ADGRD1: variants seen among roughly 807,000 people sequenced by gnomAD.
ADGRD1 encodes adhesion G protein-coupled receptor D1.
Under a neutral mutation model 113.4 loss-of-function variants are expected in ADGRD1, and 77 were observed. The observed-to-expected ratio is 0.68, with a 90% CI of 0.57 to 0.82. ADGRD1 has a LOEUF of 0.82. Ranked by LOEUF, ADGRD1 falls within the 40% of genes least tolerant of loss-of-function variation. The probability of loss-of-function intolerance (pLI) is 0.00; values close to 1 mark genes in which losing one functional copy is unlikely to be tolerated. For synonymous variants in ADGRD1, 474 were observed against 475.0 expected, an observed-to-expected ratio of 1.00 and a Z score of 0.03; for missense variants, 1,036 against 1,139.1, an observed-to-expected ratio of 0.91 and a Z score of 1.30.
chr12:131,002,794 G>A, intron 9 of ADGRD1: 8 of 1,240,266 alleles, frequency 6.5e-6, no homozygotes, highest in Non-Finnish European at 8.3e-6. Context: ...CCATCCCAGA[G>A]TGGACCTGGG....
At chr12:131,045,067 C>T (rs568287553) in intron 13 of ADGRD1, among the ~76,000 whole-genome samples, 1 of 152,234 alleles carries the variant, frequency 6.6e-6, no homozygotes, top group Admixed American at 6.5e-5. Context: ...GGTGTTGCAG[C>T]GCCAGGAGCG....
At chr12:131,014,708 G>A (rs1299999614) in intron 13 of ADGRD1, among the ~76,000 whole-genome samples, 1 of 152,200 alleles carries the variant, frequency 6.6e-6, no homozygotes, top group Non-Finnish European at 1.5e-5. Context: ...GCAAGATGCA[G>A]CACTGTGTTC....
At chr12:131,118,276 C>A in intron 18 of ADGRD1, 109 bp from the exon 19 acceptor site, 1 of 743,916 alleles carries the variant, frequency 1.3e-6, no homozygotes, top group Non-Finnish European at 2.3e-6. Flanking sequence ...CCTCTGTATA[C>A]ATGTATGAGG....
At chr12:131,028,666 T>G (rs576497239) in intron 13 of ADGRD1, among the ~76,000 whole-genome samples, 106 of 152,306 alleles carry the variant, frequency 7.0e-4, no homozygotes, top group African/African-American at 2.4e-3. Context: ...GGATATGTAA[T>G]TTACCCAGCT....
rs1887284522 is a variant in ADGRD1 at position 131,096,432 on chromosome 12, T to G, written c.1672-8399T>G. On this transcript the variant is annotated intron_variant, in intron 15 of 24. Transcript: ENST00000261654. This position sits in a 1 kb window ranked among gnomAD's most constrained non-coding sequence, Gnocchi z 5.2. ...TGGCAAGATAGCACACTTTAAAAAA[T>G]GTATGCACGTATCTTGGAGGTTGCT... 6.6e-6 allele frequency among the ~76,000 whole-genome samples: 1 copy of G among 152,172 alleles called. No homozygotes were observed. The highest frequency in any genetic ancestry group is 2.1e-4 in the South Asian group (1 of 4,828).
At chr12:131,112,300 C>T (rs1950364123) in intron 18 of ADGRD1, among the ~76,000 whole-genome samples, 1 of 152,148 alleles carries the variant, frequency 6.6e-6, no homozygotes, top group Admixed American at 6.5e-5. Flanking sequence ...GTTTGTATGA[C>T]ACCATCTGTT....
At chr12:131,029,011 C>G (rs1000965494) in intron 13 of ADGRD1, among the ~76,000 whole-genome samples, 3 of 152,234 alleles carry the variant, frequency 2.0e-5, no homozygotes, top group Admixed American at 6.5e-5. Flanking sequence ...ATTGCAGACT[C>G]TGATGCACAG....
chr12:131,016,389 A>T (rs1878574865), intron 13 of ADGRD1, among the ~76,000 whole-genome samples: 1 of 152,224 alleles, frequency 6.6e-6, no homozygotes, highest in Non-Finnish European at 1.5e-5. Flanking sequence ...CCTGTCTTGC[A>T]GTTGTGCAGT....
chr12:131,095,738 G>A (rs540000544), intron 15 of ADGRD1, among the ~76,000 whole-genome samples: 7 of 152,340 alleles, frequency 4.6e-5, no homozygotes, highest in African/African-American at 1.4e-4. Flanking sequence ...TGGTCAACAC[G>A]TATTTTTTGT....
intron 4 of ADGRD1, among the ~76,000 whole-genome samples, chr12:130,974,814 G>A (rs1279053846): frequency 2.7e-5 from 4 of 150,934 alleles, no homozygotes; most frequent in African/African-American, 4.9e-5. Context: ...GCCCTGCTCC[G>A]GACCCCCGCT....
rs1884009723 is a variant in ADGRD1 at position 131,057,883 on chromosome 12, G to T, written c.1474-18918G>T. Among the ~76,000 whole-genome samples, 1 of 152,196 alleles carries T rather than the reference G, an allele frequency of 6.6e-6. No homozygotes were observed. Among genetic ancestry groups the T allele is most frequent in the African/African-American group, 2.4e-5 (1 of 41,442 alleles). On this transcript the variant is annotated intron_variant, in intron 13 of 24. Transcript: ENST00000261654. The surrounding 1 kb of genome is among the most constrained non-coding windows in gnomAD (Gnocchi z 4.2). ...GTACCTCCCTAGTCAAGGACCCCAT[G>T]TGCTTTCCTGCAGGACTGACCGCAG...
In ADGRD1 at chr12:130,965,865, A is replaced by G. The variant is rs1870945836; in HGVS notation, c.104-598A>G. On this transcript the variant is annotated intron_variant, in intron 2 of 24. Transcript: ENST00000261654. This position sits in a 1 kb window ranked among gnomAD's most constrained non-coding sequence, Gnocchi z 4.8. Reference sequence around the variant, plus strand: ...AAATAGAATGACCAGGATTAAATTGAGAAAGTGAGTATTGCGTCTACAATG... The same window carrying G: ...AAATAGAATGACCAGGATTAAATTGGGAAAGTGAGTATTGCGTCTACAATG... Among the ~76,000 whole-genome samples, 1 of 152,224 alleles carries G rather than the reference A, an allele frequency of 6.6e-6. No homozygotes were observed. Among genetic ancestry groups the G allele is most frequent in the South Asian group, 2.1e-4 (1 of 4,830 alleles).
chr12:131,062,441 A>G (rs1343379289), intron 13 of ADGRD1, among the ~76,000 whole-genome samples: 4 of 152,202 alleles, frequency 2.6e-5, no homozygotes, highest in Admixed American at 1.3e-4. Flanking sequence ...AATGCCCAGG[A>G]GTACTATTAC....
intron 12 of ADGRD1, among the ~76,000 whole-genome samples, chr12:131,008,038 C>T (rs1213737092): frequency 6.6e-6 from 1 of 152,182 alleles, no homozygotes; most frequent in African/African-American, 2.4e-5. Flanking sequence ...TGACCCTGGG[C>T]AAGTGACTTG....
intron 4 of ADGRD1, among the ~76,000 whole-genome samples, chr12:130,979,941 C>A (rs1048579431): frequency 6.6e-6 from 1 of 152,070 alleles, no homozygotes; most frequent in Non-Finnish European, 1.5e-5. Context: ...AACCAGAGCT[C>A]CAAAATGCAA....
intron 5 of ADGRD1, among the ~76,000 whole-genome samples, chr12:130,985,357 G>A (rs917897354): frequency 5.9e-5 from 9 of 152,086 alleles, no homozygotes; most frequent in Admixed American, 5.9e-4. Flanking sequence ...GACATTTTTA[G>A]TTGTAAGGAA....
In ADGRD1 at chr12:131,041,011, C is replaced by T. The variant is rs3847690; in HGVS notation, c.1473+26671C>T. Among the ~76,000 whole-genome samples, 78,723 of 152,126 alleles carry T rather than the reference C, an allele frequency of 0.52. 23,458 individuals are homozygous for T. Among genetic ancestry groups the T allele is most frequent in the East Asian group, 0.8 (4,119 of 5,170 alleles). On this transcript the variant is annotated intron_variant, in intron 13 of 24. Coordinates refer to ENST00000261654, the MANE Select transcript of ADGRD1 (RefSeq NM_198827.5). The surrounding 1 kb of genome is among the most constrained non-coding windows in gnomAD (Gnocchi z 4.4). The stretch of plus-strand genomic sequence containing the variant: ...CAGTGGGGCTGAATGGTGGCCCCCC[C>T]GGAGTTTGCCATCATCCCCACCTGG...
In ADGRD1 at chr12:131,037,234, A is replaced by ACTCACTGCACTGGGTCTCG. The variant is rs1343161658; in HGVS notation, c.1473+22906_1473+22907insGGTCTCGCTCACTGCACTG. Among the ~76,000 whole-genome samples, 263 of 138,744 alleles carry ACTCACTGCACTGGGTCTCG rather than the reference A, an allele frequency of 1.9e-3. 3 individuals carry two copies. The highest frequency in any genetic ancestry group is 6.3e-3 in the African/African-American group (223 of 35,584). 91.0% of individuals were successfully genotyped at this position (138,744 alleles called of 152,430 possible). On this transcript the variant is annotated intron_variant, in intron 13 of 24. Transcript: ENST00000261654. ...GGTCTCACTCACTGCACTGGGTCTC[A>ACTCACTGCACTGGGTCTCG]CTCACTGCACTGAGCCTCACTCACT...
At chr12:131,133,863 C>A (rs1015421862) in intron 21 of ADGRD1, among the ~76,000 whole-genome samples, 3 of 152,162 alleles carry the variant, frequency 2.0e-5, no homozygotes, top group African/African-American at 7.2e-5. Flanking sequence ...ATTCTTCATC[C>A]TCTGGTTTTA....
Sources: allele counts gnomAD v4.1 joint callset (sites outside exome capture counted in the v4.1 genomes callset), GRCh38; gene constraint gnomAD v4.1.1; non-coding constraint Gnocchi (gnomAD v3.1); transcripts MANE v1.5; gene names NCBI Gene and HGNC (gene_info 2026-07-23, HGNC 2026-07-21).